COL4A3: variants seen among roughly 807,000 people sequenced by gnomAD.
The protein encoded by COL4A3 is collagen alpha-3(IV) chain.
COL4A3 carries 135 observed loss-of-function variants against 217.4 expected under a neutral mutation model. The ratio of observed to expected loss-of-function variants is 0.62; its 90% CI spans 0.54 to 0.72. The LOEUF is 0.72. Ranked by LOEUF, COL4A3 falls within the 30% of genes least tolerant of loss-of-function variation. The pLI is 0.00. For synonymous variants in COL4A3, 690 were observed against 736.3 expected, an observed-to-expected ratio of 0.94 and a Z score of 1.02; for missense variants, 1,868 against 2,119.9, an observed-to-expected ratio of 0.88 and a Z score of 2.33.
intron 27 of COL4A3, 134 bp downstream of exon 27, chr2:227,276,611 C>G: frequency 2.7e-6 from 2 of 731,206 alleles, no homozygotes; most frequent in Non-Finnish European, 2.4e-6. Context: ...AGGGCAGTGT[C>G]TTACCTGATA....
rs2073788127 is a variant in COL4A3, at chr2:227,312,757, A to C, written c.*887A>C. 1 of 152,646 alleles carries C rather than the reference A, an allele frequency of 6.6e-6. No individual in the cohort carries two copies. Among genetic ancestry groups the C allele is most frequent in the African/African-American group, 2.4e-5 (1 of 41,462 alleles). The allele number at this position is 152,646 out of a possible 1,614,324, so 9.5% of individuals were successfully genotyped here. A position where few individuals can be genotyped will look rare whatever the true frequency, so the allele number is the denominator to read the frequency against. On this transcript the variant is annotated 3_prime_UTR_variant, in exon 52 of 52. Transcript: ENST00000396578. Reference sequence around the variant, plus strand: ...AATGTGCACTTTATCCTCATTCCATAAATGTCGGTGCATACCTTATGTAAG... The same window carrying C: ...AATGTGCACTTTATCCTCATTCCATCAATGTCGGTGCATACCTTATGTAAG...
rs751399780 is a variant in COL4A3 at position 227,261,122 on chromosome 2, G to A, written c.1150+5G>A. Reference sequence around the variant, plus strand: ...CCGGAGTTCCTGGAAGTCCTGGTATGTCCATGTTTCTTGGGGTACAAATAG... The same window carrying A: ...CCGGAGTTCCTGGAAGTCCTGGTATATCCATGTTTCTTGGGGTACAAATAG... On this transcript the variant is annotated splice_donor_5th_base_variant and intron_variant, in intron 20 of 51. Transcript: ENST00000396578. The A allele has an allele frequency of 6.2e-7, 1 of 1,609,944 alleles. No homozygotes were observed. Among genetic ancestry groups the A allele is most frequent in the South Asian group, 1.1e-5 (1 of 90,938 alleles).
chr2:227,235,932 T>TCTGA (rs111387663), intron 1 of COL4A3, among the ~76,000 whole-genome samples: 16,061 of 151,840 alleles, frequency 0.11, 967 homozygotes, highest in East Asian at 0.28. Context: ...CGCCACCACA[T>TCTGA]CTGACTAATT....
At chr2:227,288,250 C>T (rs2072463549) in intron 34 of COL4A3, among the ~76,000 whole-genome samples, 1 of 152,134 alleles carries the variant, frequency 6.6e-6, no homozygotes, top group African/African-American at 2.4e-5. Flanking sequence ...GTGTGTGCCA[C>T]CAAGCCAGCT....
chr2:227,185,368 A>T (rs1390914116), intron 1 of COL4A3, among the ~76,000 whole-genome samples: 1 of 152,186 alleles, frequency 6.6e-6, no homozygotes, highest in Non-Finnish European at 1.5e-5. Context: ...CCCAAGTGTG[A>T]GTGCACAGTG....
intron 1 of COL4A3, among the ~76,000 whole-genome samples, chr2:227,220,325 G>A (rs1470614439): frequency 6.6e-6 from 1 of 151,726 alleles, no homozygotes; most frequent in Non-Finnish European, 1.5e-5. Flanking sequence ...TGGGATTACA[G>A]GTGCCCGCCA....
intron 1 of COL4A3, among the ~76,000 whole-genome samples, chr2:227,175,836 G>A (rs554996924): frequency 6.6e-5 from 10 of 152,206 alleles, no homozygotes; most frequent in Admixed American, 3.3e-4. Flanking sequence ...CAAGACATTT[G>A]CATTAGTAAT....
chr2:227,181,131 G>GA (rs1457355221), intron 1 of COL4A3, among the ~76,000 whole-genome samples: 3 of 152,196 alleles, frequency 2.0e-5, no homozygotes, highest in East Asian at 3.9e-4. Flanking sequence ...TGTTAATAGA[G>GA]AAAAAATACC....
chr2:227,301,210 C>G (rs1324474190), intron 43 of COL4A3, among the ~76,000 whole-genome samples: 1 of 152,192 alleles, frequency 6.6e-6, no homozygotes, highest in Non-Finnish European at 1.5e-5. Flanking sequence ...TAAATCTATC[C>G]TTGTTGCTCT....
At chr2:227,303,724 C>A in intron 44 of COL4A3, 135 bp from the exon 45 acceptor site, 1 of 839,458 alleles carries the variant, frequency 1.2e-6, no homozygotes, top group Non-Finnish European at 2.0e-6. Flanking sequence ...AAATTGTAGC[C>A]CTTGTGACAG....
At chr2:227,246,781 A>C in intron 7 of COL4A3, 43 bp downstream of exon 7, 1 of 1,524,190 alleles carries the variant, frequency 6.6e-7, no homozygotes, top group Non-Finnish European at 9.1e-7. Context: ...CATAAAGTAT[A>C]AATAACAGTG....
At position 227,239,228 on chromosome 2, in the gene COL4A3, A is replaced by T. The variant is rs192145927; in HGVS notation, c.145-915A>T. Among the ~76,000 whole-genome samples, 374 of 126,300 alleles carry T rather than the reference A, an allele frequency of 3.0e-3. 1 individual carries two copies. Among genetic ancestry groups the T allele is most frequent in the African/African-American group, 1.0e-2 (356 of 35,674 alleles). 82.9% of individuals were successfully genotyped at this position (126,300 alleles called of 152,430 possible). A position where few individuals can be genotyped will look rare whatever the true frequency, so the allele number is the denominator to read the frequency against. On this transcript the variant is annotated intron_variant, in intron 2 of 51. Coordinates refer to ENST00000396578, the MANE Select transcript of COL4A3 (RefSeq NM_000091.5). The stretch of plus-strand genomic sequence containing the variant: ...GGATATAATAAAAAATAATACAACA[A>T]TTAAAGATAATACAAATAAAAAAAT...
intron 1 of COL4A3, among the ~76,000 whole-genome samples, chr2:227,174,897 T>C (rs1577026656): frequency 6.6e-6 from 1 of 152,178 alleles, no homozygotes; most frequent in Admixed American, 6.5e-5. Context: ...GACTCATTGG[T>C]AAACAAAATA....
In COL4A3 at chr2:227,191,326, A is replaced by G. The variant is rs923835070; in HGVS notation, c.87+26513A>G. Among the ~76,000 whole-genome samples, 5 of 152,128 alleles carry G rather than the reference A, an allele frequency of 3.3e-5. No individual in the cohort carries two copies. Among genetic ancestry groups the G allele is most frequent in the Non-Finnish European group, 5.9e-5 (4 of 68,014 alleles). On this transcript the variant is annotated intron_variant, in intron 1 of 51. Coordinates refer to ENST00000396578, the MANE Select transcript of COL4A3 (RefSeq NM_000091.5). This position sits in a 1 kb window ranked among gnomAD's most constrained non-coding sequence, Gnocchi z 6.8. ...GACGCAAAAGTTTAAGACTGTTGGCATATACAAAAGACCTATTTTCTGAAT... is the reference window on the plus strand; with the variant it reads ...GACGCAAAAGTTTAAGACTGTTGGCGTATACAAAAGACCTATTTTCTGAAT...
intron 7 of COL4A3, among the ~76,000 whole-genome samples, chr2:227,247,295 C>T (rs1237352710): frequency 2.0e-5 from 3 of 152,108 alleles, no homozygotes; most frequent in South Asian, 4.1e-4. Flanking sequence ...AGGGACAATT[C>T]CACGGCAGGA....
Position 227,202,971 on chromosome 2 carries a change from G to A in COL4A3, c.88-34997G>A, listed in dbSNP as rs191671363. On this transcript the variant is annotated intron_variant, in intron 1 of 51. Transcript: ENST00000396578. ...TATATATACATATATGTGTATATAT[G>A]TGTATATATACATATGTGTATATAT... Among the ~76,000 whole-genome samples, 144 of 16,578 alleles carry A rather than the reference G, an allele frequency of 8.7e-3. 17 individuals are homozygous for A. The highest frequency in any genetic ancestry group is 0.011 in the Non-Finnish European group (111 of 10,380). 10.9% of individuals were successfully genotyped at this position (16,578 alleles called of 152,430 possible).
At chr2:227,225,709 C>CT (rs71829862) in intron 1 of COL4A3, among the ~76,000 whole-genome samples, 1,403 of 126,214 alleles carry the variant, frequency 0.011, 14 homozygotes, top group African/African-American at 0.03. Flanking sequence ...CTTTTTCTTT[C>CT]TTTTTTTTTT....
Position 227,277,442 on chromosome 2 carries a change from T to G in COL4A3, c.2021-7T>G. 4 of 1,589,170 alleles carry G rather than the reference T, an allele frequency of 2.5e-6. No homozygotes were observed. Among genetic ancestry groups the G allele is most frequent in the Non-Finnish European group, 3.4e-6 (4 of 1,159,606 alleles). Reference sequence around the variant, plus strand: ...TGTGGAGATGCATATGTGTATTTGTTTCTAAGGTATCCCTGGATCCCTGGG... The same window carrying G: ...TGTGGAGATGCATATGTGTATTTGTGTCTAAGGTATCCCTGGATCCCTGGG... On this transcript the variant is annotated splice_polypyrimidine_tract_variant and splice_region_variant and intron_variant, in intron 27 of 51. Coordinates refer to ENST00000396578, the MANE Select transcript of COL4A3 (RefSeq NM_000091.5).
chr2:227,307,901 G>A lies in COL4A3; in HGVS notation c.4444G>A (p.Ala1482Thr), dbSNP rs2073578301. 2 of 1,613,980 alleles carry A rather than the reference G, an allele frequency of 1.2e-6. No individual in the cohort carries two copies. Among genetic ancestry groups the A allele is most frequent in the South Asian group, 2.2e-5 (2 of 91,082 alleles). Residue 1482 changes from alanine to threonine, a missense_variant, in exon 48 of 52, where the codon GCC becomes ACC. Transcript: ENST00000396578. ...SFLFVQGNQR[A>T]HGQDLGTLGS... The stretch of plus-strand genomic sequence containing the variant: ...TCTTTTTGTACAAGGAAATCAACGA[G>A]CCCACGGACAAGACCTTGGTAATGT...
Sources: gnomAD v4.1 joint callset for allele counts (sites outside exome capture counted in the v4.1 genomes callset) on GRCh38, gnomAD v4.1.1 for gene constraint, Gnocchi (gnomAD v3.1) non-coding constraint, MANE v1.5 for transcripts, NCBI Gene and HGNC (gene_info 2026-07-23, HGNC 2026-07-21) for gene names.